IGSF21: variants seen among roughly 807,000 people sequenced by gnomAD.
IGSF21 encodes the protein immunoglobin superfamily member 21, also known as immunoglobulin superfamily member 21.
In IGSF21, 28 loss-of-function variants were observed where a neutral mutation model predicts 46.8. The observed-to-expected ratio is 0.60, with a 90% confidence interval of 0.44 to 0.82. IGSF21 has a LOEUF of 0.82. Among genes scored for constraint, IGSF21 ranks in the 40% least tolerant of loss-of-function variants. The pLI, the probability that IGSF21 is intolerant of heterozygous loss-of-function variation, is 0.00. For synonymous variants in IGSF21, 284 were observed against 273.6 expected (o/e 1.04, Z -0.38); for missense variants, 624 against 665.5 (o/e 0.94, Z 0.69).
At chr1:18,362,078 T>G in intron 4 of IGSF21, 37 bp from the exon 5 acceptor site, 6 of 1,425,124 alleles carry the variant, frequency 4.2e-6, no homozygotes, top group East Asian at 2.4e-5. Flanking sequence ...AATCTCCCAG[T>G]TGAGCCCTTG....
At chr1:18,349,320 G>C (rs1006245480) in intron 4 of IGSF21, among the ~76,000 whole-genome samples, 1 of 152,096 alleles carries the variant, frequency 6.6e-6, no homozygotes, top group African/African-American at 2.4e-5. Context: ...AGAGAGAAGG[G>C]CACAGGTTTC....
At chr1:18,130,052 G>A (rs2086304594) in intron 1 of IGSF21, among the ~76,000 whole-genome samples, 1 of 152,178 alleles carries the variant, frequency 6.6e-6, no homozygotes, top group South Asian at 2.1e-4. Context: ...TAAGACAGAG[G>A]GGCAGAGGTG....
At chr1:18,198,648 C>T (rs184866014) in intron 1 of IGSF21, among the ~76,000 whole-genome samples, 137 of 152,158 alleles carry the variant, frequency 9.0e-4, no homozygotes, top group African/African-American at 2.8e-3. Context: ...TCTAAAATTA[C>T]GGAGGAGGCC....
intron 6 of IGSF21, among the ~76,000 whole-genome samples, chr1:18,373,585 AC>A (rs2086250401): frequency 6.6e-6 from 1 of 151,902 alleles, no homozygotes; most frequent in African/African-American, 2.4e-5. Context: ...GGAGGACCAG[AC>A]CCCTCTTCTG....
chr1:18,122,285 C>T (rs139454623), intron 1 of IGSF21, among the ~76,000 whole-genome samples: 4,403 of 149,320 alleles, frequency 0.029, 213 homozygotes, highest in African/African-American at 0.1. Flanking sequence ...CTGCAACCTC[C>T]GCCCCCAGGG....
chr1:18,296,081 A>C (rs953438562), intron 3 of IGSF21, among the ~76,000 whole-genome samples: 2 of 152,174 alleles, frequency 1.3e-5, no homozygotes, highest in African/African-American at 4.8e-5. Context: ...GACATTGAGA[A>C]ACTATGGGAT....
intron 1 of IGSF21, among the ~76,000 whole-genome samples, chr1:18,209,036 A>G (rs566773254): frequency 1.3e-5 from 2 of 152,290 alleles, no homozygotes; most frequent in African/African-American, 4.8e-5. Flanking sequence ...GGGAGGAAGG[A>G]GAAGGTGGGA....
chr1:18,340,941 C>T (rs1437325692), intron 4 of IGSF21, among the ~76,000 whole-genome samples: 2 of 151,330 alleles, frequency 1.3e-5, no homozygotes, highest in Non-Finnish European at 2.9e-5. Flanking sequence ...CTCCTCTTCT[C>T]CGTCCTCCTC....
intron 1 of IGSF21, among the ~76,000 whole-genome samples, chr1:18,196,042 A>C (rs534981138): frequency 5.5e-4 from 83 of 152,280 alleles, no homozygotes; most frequent in African/African-American, 1.9e-3. Context: ...GTGTGCAGAG[A>C]GACTTGGGAA....
intron 1 of IGSF21, among the ~76,000 whole-genome samples, chr1:18,146,996 G>T (rs1214448473): frequency 6.6e-6 from 1 of 152,162 alleles, no homozygotes; most frequent in Admixed American, 6.5e-5. Flanking sequence ...TCTACGCCTG[G>T]TCCAGGAACG....
chr1:18,293,708 T>C (rs2085288369), intron 3 of IGSF21, among the ~76,000 whole-genome samples: 1 of 152,218 alleles, frequency 6.6e-6, no homozygotes, highest in Non-Finnish European at 1.5e-5. Flanking sequence ...GGTTTTGTAG[T>C]AAGTGAACTC....
At chr1:18,167,264 AGG>A (rs1279881742) in intron 1 of IGSF21, among the ~76,000 whole-genome samples, 82 of 152,282 alleles carry the variant, frequency 5.4e-4, no homozygotes, top group African/African-American at 1.8e-3. Context: ...GATTGGTCCA[AGG>A]GCCCATGCTG....
chr1:18,330,323 G>A (rs2085699555), intron 3 of IGSF21, among the ~76,000 whole-genome samples: 1 of 152,240 alleles, frequency 6.6e-6, no homozygotes, highest in Non-Finnish European at 1.5e-5. Context: ...TTGGTTGGAA[G>A]TGGGGGGATC....
chr1:18,172,676 T>G (rs554653392), intron 1 of IGSF21, among the ~76,000 whole-genome samples: 1 of 152,210 alleles, frequency 6.6e-6, no homozygotes, highest in African/African-American at 2.4e-5. Context: ...CCTTAATTAC[T>G]TTCTAAAACC....
chr1:18,365,219 G>T lies in IGSF21; in HGVS notation c.541-4G>T. On this transcript the variant is annotated splice_region_variant and splice_polypyrimidine_tract_variant and intron_variant, in intron 5 of 9. Transcript: ENST00000251296. The surrounding 1 kb of genome is among the most constrained non-coding windows in gnomAD (Gnocchi z 4.8). ...ATTTTCCCACACCCTCCTTACAATG[G>T]CAGGTTTATTTCAAACGAGATGGGG... 1 of 1,587,420 alleles carries T rather than the reference G, an allele frequency of 6.3e-7. No individual in the cohort carries two copies. The highest frequency in any genetic ancestry group is 8.6e-7 in the Non-Finnish European group (1 of 1,162,794).
chr1:18,298,580 A>G (rs1366279836), intron 3 of IGSF21, among the ~76,000 whole-genome samples: 1 of 152,190 alleles, frequency 6.6e-6, no homozygotes, highest in Non-Finnish European at 1.5e-5. Context: ...GAGAAAGCCA[A>G]TGCTGGGCTG....
intron 1 of IGSF21, 103 bp downstream of exon 1, chr1:18,108,301 C>G: frequency 8.6e-7 from 1 of 1,161,486 alleles, no homozygotes; most frequent in Non-Finnish European, 1.1e-6. Context: ...GCTCGGGCTA[C>G]GAGCACCGGT....
chr1:18,131,291 G>A (rs1439910327), intron 1 of IGSF21, among the ~76,000 whole-genome samples: 1 of 152,164 alleles, frequency 6.6e-6, no homozygotes, highest in East Asian at 1.9e-4. Context: ...GAACCCAGAG[G>A]TTGATGAAGA....
intron 1 of IGSF21, among the ~76,000 whole-genome samples, chr1:18,193,345 C>A (rs1259574929): frequency 6.6e-6 from 1 of 152,046 alleles, no homozygotes; most frequent in Non-Finnish European, 1.5e-5. Flanking sequence ...GAGACGAGAA[C>A]CATGGGAATC....
Sources: allele counts gnomAD v4.1 joint callset (sites outside exome capture counted in the v4.1 genomes callset), GRCh38; gene constraint gnomAD v4.1.1; non-coding constraint Gnocchi (gnomAD v3.1); transcripts MANE v1.5; gene names NCBI Gene and HGNC (gene_info 2026-07-23, HGNC 2026-07-21).